ZSWIM5: variants seen among roughly 807,000 people sequenced by gnomAD.
ZSWIM5 encodes zinc finger SWIM domain-containing protein 5.
ZSWIM5 carries 55 observed loss-of-function variants against 119.6 expected under a neutral mutation model. The ratio of observed to expected loss-of-function variants is 0.46; its 90% CI spans 0.37 to 0.58. The LOEUF is 0.58. Among genes scored for constraint, ZSWIM5 ranks in the 20% least tolerant of loss-of-function variants. The probability of loss-of-function intolerance (pLI) is 0.00; values close to 1 mark genes in which losing one functional copy is unlikely to be tolerated. For synonymous variants in ZSWIM5, 537 were observed against 606.9 expected, an observed-to-expected ratio of 0.88 and a Z score of 1.69; for missense variants, 1,193 against 1,512.8, an observed-to-expected ratio of 0.79 and a Z score of 3.51.
At chr1:45,097,542 G>C (rs1344723258) in intron 1 of ZSWIM5, among the ~76,000 whole-genome samples, 3 of 152,128 alleles carry the variant, frequency 2.0e-5, no homozygotes, top group Non-Finnish European at 4.4e-5. Flanking sequence ...GAGGAACAAG[G>C]TTCAAAGAAG....
At chr1:45,089,174 T>C (rs991550943) in intron 1 of ZSWIM5, among the ~76,000 whole-genome samples, 3 of 151,848 alleles carry the variant, frequency 2.0e-5, no homozygotes, top group African/African-American at 7.3e-5. Flanking sequence ...GCAGACGGGG[T>C]TTTACCATGT....
intron 2 of ZSWIM5, among the ~76,000 whole-genome samples, chr1:45,073,035 GA>G (rs1332523164): frequency 2.0e-5 from 3 of 151,766 alleles, no homozygotes; most frequent in Admixed American, 1.3e-4. Flanking sequence ...TAACAATATT[GA>G]TTTTTCCAAT....
In ZSWIM5 at chr1:45,018,521, T is replaced by A; in HGVS notation, c.3491A>T (p.Asp1164Val). ...DGHLQFAQFI[D>V]NLKQIYKGKK... is the part of the protein sequence containing the mutation. ...GCCTTTGTAGATCTGTTTGAGGTTG[T>A]CGATGAACTGGGCAAACTGCAGGTG... Residue 1164 changes from aspartate to valine, a missense_variant, in exon 14 of 14, where the codon GAC becomes GTC. Around this residue, in one of 2 missense-constraint regions of ZSWIM5, gnomAD observed 961 missense variants for 1,290.0 expected, o/e 0.74. Transcript: ENST00000359600. The surrounding 1 kb of genome is among the most constrained non-coding windows in gnomAD (Gnocchi z 6.7). 1 of 1,614,094 alleles carries A rather than the reference T, an allele frequency of 6.2e-7. No individual in the cohort carries two copies. The highest frequency in any genetic ancestry group is 8.5e-7 in the Non-Finnish European group (1 of 1,180,008).
intron 1 of ZSWIM5, among the ~76,000 whole-genome samples, chr1:45,156,964 T>C (rs1247315639): frequency 6.6e-6 from 1 of 152,098 alleles, no homozygotes; most frequent in East Asian, 1.9e-4. Flanking sequence ...ACACTTCCAA[T>C]GAACAATTCA....
chr1:45,129,409 A>G (rs1401246463), intron 1 of ZSWIM5, among the ~76,000 whole-genome samples: 4 of 151,996 alleles, frequency 2.6e-5, no homozygotes, highest in African/African-American at 4.8e-5. Flanking sequence ...CGCCCGCCTC[A>G]GCCTCCCAAA....
chr1:45,091,087 T>A (rs929890750), intron 1 of ZSWIM5, among the ~76,000 whole-genome samples: 17 of 152,172 alleles, frequency 1.1e-4, no homozygotes, highest in Admixed American at 7.9e-4. Context: ...TCTGTAAAAC[T>A]ATAAAATGTC....
chr1:45,081,002 G>A (rs1188128716), intron 2 of ZSWIM5, among the ~76,000 whole-genome samples: 4 of 152,182 alleles, frequency 2.6e-5, no homozygotes, highest in Non-Finnish European at 5.9e-5. Context: ...AAGATTAAAA[G>A]CAGGCAGCTA....
intron 11 of ZSWIM5, among the ~76,000 whole-genome samples, chr1:45,026,090 A>C (rs1644918757): frequency 6.6e-6 from 1 of 152,182 alleles, no homozygotes; most frequent in African/African-American, 2.4e-5. Flanking sequence ...GCTGGAGTGC[A>C]GTAGTACAAT....
chr1:45,084,091 G>A (rs988428272), intron 2 of ZSWIM5, among the ~76,000 whole-genome samples: 2 of 152,192 alleles, frequency 1.3e-5, no homozygotes, highest in Middle Eastern at 6.8e-3. Context: ...TGAATTTTTT[G>A]TGGAGACAGG....
At chr1:45,091,699 C>G (rs1645365251) in intron 1 of ZSWIM5, among the ~76,000 whole-genome samples, 1 of 151,864 alleles carries the variant, frequency 6.6e-6, no homozygotes, top group African/African-American at 2.4e-5. Flanking sequence ...ACCAACCAAC[C>G]AAACAAACAA....
Position 45,019,180 on chromosome 1 carries a change from C to A in ZSWIM5, c.2832G>T (p.Glu944Asp), listed in dbSNP as rs1009484696. The change falls in exon 14 of 14, where the codon GAG becomes GAT. Residue 944 changes from glutamate (E) to aspartate (D), a missense_variant. Glu to Asp is a conservative substitution (Grantham distance 45). This residue lies in a region of ZSWIM5 where 961 missense variants were observed against 1,290.0 expected (regional missense o/e 0.74). Transcript: ENST00000359600. This position sits in a 1 kb window ranked among gnomAD's most constrained non-coding sequence, Gnocchi z 5.0. ...LRLSLDYPQR[E>D]ELASCARTLA... ...GTGTGCGAGCACAGCTAGCCAGTTC[C>A]TCCCGCTGTGGATAGTCAAGACTGA... The A allele has an allele frequency of 6.2e-7, 1 of 1,613,754 alleles. No individual in the cohort carries two copies. Among genetic ancestry groups the A allele is most frequent in the Non-Finnish European group, 8.5e-7 (1 of 1,180,024 alleles).
intron 1 of ZSWIM5, among the ~76,000 whole-genome samples, chr1:45,184,859 A>C: frequency 6.6e-6 from 1 of 152,022 alleles, no homozygotes; most frequent in Non-Finnish European, 1.5e-5. Context: ...CATCCCCATC[A>C]AGCTACCAAT....
chr1:45,099,507 C>A (rs149854758), intron 1 of ZSWIM5, among the ~76,000 whole-genome samples: 6,692 of 152,246 alleles, frequency 0.044, 217 homozygotes, highest in East Asian at 0.11. Context: ...TGAAACTATT[C>A]CAATCAAGAG....
At chr1:45,198,031 C>T (rs1056970877) in intron 1 of ZSWIM5, among the ~76,000 whole-genome samples, 9 of 152,238 alleles carry the variant, frequency 5.9e-5, no homozygotes, top group African/African-American at 2.2e-4. Flanking sequence ...CCATCCACAT[C>T]AATTTGTGAG....
chr1:45,172,570 A>C (rs1217090120), intron 1 of ZSWIM5, among the ~76,000 whole-genome samples: 1 of 152,174 alleles, frequency 6.6e-6, no homozygotes, highest in East Asian at 1.9e-4. Context: ...AACAAGCTAC[A>C]TAAGACCTTA....
At chr1:45,134,006 T>G (rs1645674655) in intron 1 of ZSWIM5, among the ~76,000 whole-genome samples, 1 of 152,216 alleles carries the variant, frequency 6.6e-6, no homozygotes, top group South Asian at 2.1e-4. Flanking sequence ...CTGTTTTGGT[T>G]ACTGTAGCCT....
chr1:45,156,372 C>A (rs976077345), intron 1 of ZSWIM5, among the ~76,000 whole-genome samples: 1 of 151,842 alleles, frequency 6.6e-6, no homozygotes, highest in Admixed American at 6.6e-5. Context: ...ATCAATCATA[C>A]CCCAAACATC....
At position 45,170,479 on chromosome 1, in the gene ZSWIM5, C is replaced by T. The variant is rs973250400; in HGVS notation, c.595+35277G>A. Among the ~76,000 whole-genome samples, 5 of 149,958 alleles carry T rather than the reference C, an allele frequency of 3.3e-5. No homozygotes were observed. In the South Asian group the frequency reaches 6.3e-4, roughly 19 times the overall value. On this transcript the variant is annotated intron_variant, in intron 1 of 13. Transcript: ENST00000359600. ...TTGCTCTGTCACCCCAGGTGGAGTG[C>T]GGTGGCAGGATCATGACTCACTGCA...
chr1:45,132,820 T>C (rs1426818025), intron 1 of ZSWIM5, among the ~76,000 whole-genome samples: 1 of 152,124 alleles, frequency 6.6e-6, no homozygotes, highest in African/African-American at 2.4e-5. Flanking sequence ...TGTCCAAATG[T>C]TCTCATTGTT....
Sources: gnomAD v4.1 joint callset for allele counts (sites outside exome capture counted in the v4.1 genomes callset) on GRCh38, gnomAD v4.1.1 for gene constraint, gnomAD v4.1.1 regional missense constraint, Gnocchi (gnomAD v3.1) non-coding constraint, MANE v1.5 for transcripts, NCBI Gene and HGNC (gene_info 2026-07-23, HGNC 2026-07-21) for gene names.